The following ROBO2 variants were observed in gnomAD, a reference collection of about 807,000 sequenced individuals.
ROBO2 encodes the protein roundabout guidance receptor 2.
In ROBO2, 53 loss-of-function variants were observed where a neutral mutation model predicts 160.8. That is an observed-to-expected ratio of 0.33 (90% CI 0.26 to 0.41). ROBO2 has a LOEUF of 0.41. ROBO2 is among the 10% of genes least tolerant of loss of function. The pLI is 1.00. For synonymous variants in ROBO2, 664 were observed against 611.7 expected, an observed-to-expected ratio of 1.09 and a Z score of -1.26; for missense variants, 1,577 against 1,722.4, an observed-to-expected ratio of 0.92 and a Z score of 1.49.
chr3:75,935,918 C>T (rs1947758633), intron 1 of ROBO2, among the ~76,000 whole-genome samples: 1 of 152,156 alleles, frequency 6.6e-6, no homozygotes, highest in South Asian at 2.1e-4. Flanking sequence ...TGTAGCATTT[C>T]TCTAAGCCTT....
intron 4 of ROBO2, among the ~76,000 whole-genome samples, chr3:77,485,878 A>G (rs147009980): frequency 6.6e-6 from 1 of 152,254 alleles, no homozygotes; most frequent in Non-Finnish European, 1.5e-5. Context: ...AGATTAACCT[A>G]TCACCTAGGT....
At chr3:76,578,557 G>A (rs916437313) in intron 2 of ROBO2, among the ~76,000 whole-genome samples, 2 of 152,056 alleles carry the variant, frequency 1.3e-5, no homozygotes, top group South Asian at 4.1e-4. Flanking sequence ...TGACCTCGCA[G>A]CTGCTTTTCA....
chr3:76,215,994 GGGGT>G, intron 2 of ROBO2, among the ~76,000 whole-genome samples: 1 of 152,152 alleles, frequency 6.6e-6, no homozygotes, highest in African/African-American at 2.4e-5. Flanking sequence ...GAAGAGAGTG[GGGGT>G]CAATATTCAA....
rs551490457 is a variant in ROBO2, at chr3:76,656,462, A to C, written c.110-441552A>C. On this transcript the variant is annotated intron_variant, in intron 2 of 26. Coordinates refer to the ROBO2 transcript ENST00000487694. ...TTCTCTCAACAAGCACATTACCTGC[A>C]CTTCTTGTGAAGGCACTGCTCATAA... Among the ~76,000 whole-genome samples the C allele has an allele frequency of 2.0e-3, 297 of 152,250 alleles. 1 individual carries two copies. The highest frequency in any genetic ancestry group is 6.8e-3 in the African/African-American group (283 of 41,554).
At chr3:76,272,893 A>ATATAATAT (rs544962221) in intron 2 of ROBO2, among the ~76,000 whole-genome samples, 1 of 37,174 alleles carries the variant, frequency 2.7e-5, no homozygotes, top group Non-Finnish European at 4.9e-5. Context: ...TATATATAAA[A>ATATAATAT]ATATAATATA....
chr3:77,404,169 G>A (rs1433914170), intron 2 of ROBO2, among the ~76,000 whole-genome samples: 20 of 152,110 alleles, frequency 1.3e-4, no homozygotes, highest in Admixed American at 1.2e-3. Flanking sequence ...AGGGCATGGG[G>A]AAATTATTAA....
At chr3:77,579,199 A>T (rs2093848466) in intron 15 of ROBO2, among the ~76,000 whole-genome samples, 2 of 152,132 alleles carry the variant, frequency 1.3e-5, no homozygotes, top group South Asian at 4.1e-4. Context: ...ATTTCATCAG[A>T]ACAATTTCTA....
chr3:77,599,705 C>T (rs571286001), intron 19 of ROBO2, among the ~76,000 whole-genome samples: 4 of 151,658 alleles, frequency 2.6e-5, no homozygotes, highest in South Asian at 2.1e-4. Context: ...AATGACAATA[C>T]GTTTGAATGT....
chr3:77,414,650 T>C (rs111832385), intron 2 of ROBO2, among the ~76,000 whole-genome samples: 2 of 152,296 alleles, frequency 1.3e-5, no homozygotes, highest in African/African-American at 4.8e-5. Context: ...CAGATTATCA[T>C]TATTATGAGA....
At chr3:77,088,873 A>C (rs2069722078) in intron 1 of ROBO2, among the ~76,000 whole-genome samples, 1 of 152,148 alleles carries the variant, frequency 6.6e-6, no homozygotes, top group Admixed American at 6.5e-5. Context: ...TGTATTTTTT[A>C]AAGTATGTAC....
In ROBO2 at chr3:77,574,491, T is replaced by A. The variant is rs2093713732; in HGVS notation, c.1972-8T>A. On this transcript the variant is annotated splice_polypyrimidine_tract_variant and splice_region_variant and intron_variant, in intron 13 of 25. Coordinates refer to ENST00000461745, the Ensembl canonical transcript of ROBO2. Reference sequence around the variant, plus strand: ...TTAGTTTCAAATGCCCTTAACTATGTTTTTCAGGTTGATCGCCAACCCCAG... The same window carrying A: ...TTAGTTTCAAATGCCCTTAACTATGATTTTCAGGTTGATCGCCAACCCCAG... 6.2e-7 allele frequency: 1 copy of A among 1,611,530 alleles called. No individual in the cohort carries two copies. The highest frequency in any genetic ancestry group is 8.5e-7 in the Non-Finnish European group (1 of 1,177,948).
In ROBO2 at chr3:76,330,886, G is replaced by A. The variant is rs192934395; in HGVS notation, c.109+393284G>A. Reference sequence around the variant, plus strand: ...GTTGTGGGGTCACGTCTGATTGATGGTTTACTACCTAGCACAGCCTCATCT... The same window carrying A: ...GTTGTGGGGTCACGTCTGATTGATGATTTACTACCTAGCACAGCCTCATCT... On this transcript the variant is annotated intron_variant, in intron 2 of 26. Transcript: ENST00000487694. 1.7e-3 allele frequency among the ~76,000 whole-genome samples: 266 copies of A among 152,314 alleles called. 1 individual carries two copies. The highest frequency in any genetic ancestry group is 6.1e-3 in the African/African-American group (255 of 41,578).
At chr3:77,625,316 GTAATAA>G (rs769742304) in intron 23 of ROBO2, among the ~76,000 whole-genome samples, 1 of 151,294 alleles carries the variant, frequency 6.6e-6, no homozygotes, top group African/African-American at 2.4e-5. Context: ...TTTAGATTCA[GTAATAA>G]TAATAATAAT....
Position 76,573,822 on chromosome 3 carries a change from G to C in ROBO2, c.110-524192G>C, listed in dbSNP as rs540930255. ...CTTTTTGGAATGATCCACCGCATGG[G>C]GAAACTCTTGCTCTCTTCACTGCAT... On this transcript the variant is annotated intron_variant, in intron 2 of 26. Transcript: ENST00000487694. Among the ~76,000 whole-genome samples the C allele has an allele frequency of 5.3e-5, 8 of 152,080 alleles. No individual in the cohort carries two copies. The East Asian group carries it at 1.6e-3, about 29-fold the overall frequency.
At chr3:76,940,858 A>G (rs1285136812) in intron 2 of ROBO2, among the ~76,000 whole-genome samples, 1 of 152,256 alleles carries the variant, frequency 6.6e-6, no homozygotes, top group African/African-American at 2.4e-5. Flanking sequence ...GGCTGATGAT[A>G]TCAAAGTTTT....
At chr3:76,061,147 C>G (rs973715935) in intron 2 of ROBO2, among the ~76,000 whole-genome samples, 2 of 152,174 alleles carry the variant, frequency 1.3e-5, no homozygotes, top group Non-Finnish European at 2.9e-5. Context: ...TGCAAATTCT[C>G]AGCAACAAGT....
At chr3:76,186,146 T>C (rs551704630) in intron 2 of ROBO2, among the ~76,000 whole-genome samples, 1 of 152,046 alleles carries the variant, frequency 6.6e-6, no homozygotes, top group Non-Finnish European at 1.5e-5. Context: ...TTGTCCAGGC[T>C]GGTCTCAAAA....
intron 2 of ROBO2, among the ~76,000 whole-genome samples, chr3:77,332,553 G>A (rs564918705): frequency 2.2e-4 from 33 of 152,080 alleles, no homozygotes; most frequent in African/African-American, 6.0e-4. Flanking sequence ...TTAGTGTGAC[G>A]CAGTTATATA....
At chr3:77,078,911 G>T (rs1174535568) in intron 1 of ROBO2, among the ~76,000 whole-genome samples, 1 of 152,118 alleles carries the variant, frequency 6.6e-6, no homozygotes, top group Non-Finnish European at 1.5e-5. Flanking sequence ...TGCCAGAATT[G>T]TAGAAATAGG....
Sources: gnomAD v4.1 joint callset for allele counts (sites outside exome capture counted in the v4.1 genomes callset) on GRCh38, gnomAD v4.1.1 for gene constraint, MANE v1.5 for transcripts, NCBI Gene and HGNC (gene_info 2026-07-23, HGNC 2026-07-21) for gene names.